Variants in RAB11FIP2 observed in about 807,000 individuals in gnomAD.
The protein encoded by RAB11FIP2 is RAB11 family interacting protein 2, also known as rab11 family-interacting protein 2.
Under a neutral mutation model 40.9 loss-of-function variants are expected in RAB11FIP2, and 16 were observed. That is an observed-to-expected ratio of 0.39 (90% CI 0.26 to 0.59). The LOEUF is 0.59. Ranked by LOEUF, RAB11FIP2 falls within the 20% of genes least tolerant of loss-of-function variation. The pLI, the probability that RAB11FIP2 is intolerant of heterozygous loss-of-function variation, is 0.53. For synonymous variants in RAB11FIP2, 228 were observed against 213.7 expected (o/e 1.07, Z -0.58); for missense variants, 532 against 606.2 (o/e 0.88, Z 1.28).
chr10:118,007,280 C>T lies in RAB11FIP2; in HGVS notation c.*1718G>A, dbSNP rs1846101164. The T allele has an allele frequency of 6.6e-6, 1 of 150,856 alleles. No individual in the cohort carries two copies. Among genetic ancestry groups the T allele is most frequent in the Non-Finnish European group, 1.5e-5 (1 of 67,718 alleles). 9.3% of individuals were successfully genotyped at this position (150,856 alleles called of 1,614,324 possible). On this transcript the variant is annotated 3_prime_UTR_variant, in exon 5 of 5. Coordinates refer to ENST00000355624, the MANE Select transcript of RAB11FIP2 (RefSeq NM_014904.3). ...AAAAAATTGATAAAAGCTATTTTTC[C>T]TTCTCCATTTCTTAAAGCATTTAAT...
intron 3 of RAB11FIP2, among the ~76,000 whole-genome samples, chr10:118,023,530 T>C (rs547676822): frequency 2.6e-5 from 4 of 152,232 alleles, no homozygotes; most frequent in African/African-American, 9.6e-5. Flanking sequence ...ACCTAATACA[T>C]AAATGTCTAT....
Position 118,045,930 on chromosome 10 carries a change from C to T in RAB11FIP2, c.234G>A (p.Glu78=), listed in dbSNP as rs368405064. 6.8e-6 allele frequency: 11 copies of T among 1,614,092 alleles called. No individual in the cohort carries two copies. The highest frequency in any genetic ancestry group is 2.2e-5 in the East Asian group (1 of 44,894). Residue 78 remains glutamate (E), a synonymous_variant, in exon 1 of 5, where the codon GAG becomes GAA. Transcript: ENST00000355624. ...TAACTATAAGGAAAAGAATGTATTTCTCTGGACTTCCCTGAATTAGCAATC... is the reference window on the plus strand; with the variant it reads ...TAACTATAAGGAAAAGAATGTATTTTTCTGGACTTCCCTGAATTAGCAATC... ...LPGLLIQGSP[E]KYILFLIVMH... is the part of the protein sequence containing the mutation.
In RAB11FIP2 at chr10:118,008,540, TATATAAA is replaced by T. The variant is rs1846121201; in HGVS notation, c.*451_*457del. The stretch of plus-strand genomic sequence containing the variant: ...ATATATATATTCATGTACATATGTG[TATATAAA>T]ATATAAACTGTTTTTTTAGTAGTGT... On this transcript the variant is annotated 3_prime_UTR_variant, in exon 5 of 5. Coordinates refer to ENST00000355624, the MANE Select transcript of RAB11FIP2 (RefSeq NM_014904.3). 5.8e-6 allele frequency: 1 copy of T among 172,922 alleles called. No individual in the cohort carries two copies. The highest frequency in any genetic ancestry group is 1.3e-5 in the Non-Finnish European group (1 of 78,684). 10.7% of individuals were successfully genotyped at this position (172,922 alleles called of 1,614,324 possible). A position where few individuals can be genotyped will look rare whatever the true frequency, so the allele number is the denominator to read the frequency against.
intron 3 of RAB11FIP2, among the ~76,000 whole-genome samples, chr10:118,028,013 AAC>A (rs1030818876): frequency 2.6e-5 from 4 of 152,160 alleles, no homozygotes; most frequent in African/African-American, 9.7e-5. Context: ...ACTTCTGTTT[AAC>A]ACAGTTTATT....
chr10:118,035,407 T>C (rs189201940), intron 3 of RAB11FIP2, among the ~76,000 whole-genome samples: 24 of 152,284 alleles, frequency 1.6e-4, no homozygotes, highest in African/African-American at 5.8e-4. Context: ...TGTTTAGTTG[T>C]ACATAAAAAT....
chr10:118,013,813 A>G (rs974268345), intron 4 of RAB11FIP2, among the ~76,000 whole-genome samples: 1 of 152,142 alleles, frequency 6.6e-6, no homozygotes, highest in Non-Finnish European at 1.5e-5. Flanking sequence ...ACAGCAATAA[A>G]TTACAAGATT....
intron 3 of RAB11FIP2, among the ~76,000 whole-genome samples, chr10:118,020,972 T>C (rs1333596420): frequency 1.3e-5 from 2 of 152,204 alleles, no homozygotes; most frequent in East Asian, 3.9e-4. Context: ...TTCTGGCGTA[T>C]GCTCCATAAC....
At position 118,009,210 on chromosome 10, in the gene RAB11FIP2, C is replaced by T; in HGVS notation, c.1327G>A (p.Asp443Asn). 1 of 1,612,920 alleles carries T rather than the reference C, an allele frequency of 6.2e-7. No individual in the cohort carries two copies. The highest frequency in any genetic ancestry group is 8.5e-7 in the Non-Finnish European group (1 of 1,179,086). Residue 443 changes from aspartate to asparagine, a missense_variant, in exon 5 of 5, where the codon GAT becomes AAT. Physicochemically the swap from Asp to Asn is conservative, Grantham distance 23. Transcript: ENST00000355624. ...AGACTACGATACCCTGCAGTGGCAT[C>T]AAAGGGGTTGCTGTCCTAGAACAGG... ...LRKIPDSNPF[D>N]ATAGYRSLTY... is the part of the protein sequence containing the mutation.
chr10:118,017,243 A>G (rs117995870), intron 3 of RAB11FIP2, among the ~76,000 whole-genome samples: 1,850 of 152,292 alleles, frequency 0.012, 22 homozygotes, highest in Non-Finnish European at 0.017. Context: ...CTTAGTGAGC[A>G]CTGGCTGCAC....
chr10:118,015,957 T>G (rs1223085840), intron 3 of RAB11FIP2, among the ~76,000 whole-genome samples: 1 of 152,234 alleles, frequency 6.6e-6, no homozygotes, highest in African/African-American at 2.4e-5. Flanking sequence ...AAAATATGTA[T>G]GTTTTCATTA....
intron 3 of RAB11FIP2, among the ~76,000 whole-genome samples, chr10:118,018,890 T>C (rs1002342235): frequency 4.6e-5 from 7 of 152,100 alleles, no homozygotes; most frequent in Non-Finnish European, 1.0e-4. Flanking sequence ...GTGGCAGAGA[T>C]CAAAGTGGGT....
intron 3 of RAB11FIP2, among the ~76,000 whole-genome samples, chr10:118,035,990 G>A (rs1846476544): frequency 6.6e-6 from 1 of 152,028 alleles, no homozygotes; most frequent in African/African-American, 2.4e-5. Flanking sequence ...CCAAGGACAG[G>A]ATCAAAATGT....
chr10:118,046,823 C>CGGGCTGCA lies in RAB11FIP2; in HGVS notation c.-668_-661dup, dbSNP rs1182466641. Reference sequence around the variant, plus strand: ...CGCCGGCGGGACGTGGGGCGGGCAGCGGGCTGCAGGGCTGCGGGCGCTTGG... The same window carrying CGGGCTGCA: ...CGCCGGCGGGACGTGGGGCGGGCAGCGGGCTGCAGGGCTGCAGGGCTGCGGGCGCTTGG... On this transcript the variant is annotated 5_prime_UTR_variant, in exon 1 of 5. Transcript: ENST00000355624. 1.3e-5 allele frequency: 2 copies of CGGGCTGCA among 152,328 alleles called. No individual in the cohort carries two copies. The highest frequency in any genetic ancestry group is 2.4e-5 in the African/African-American group (1 of 41,382). The allele number at this position is 152,328 out of a possible 1,614,324, so 9.4% of individuals were successfully genotyped here.
chr10:118,044,392 A>G (rs1042837917), intron 1 of RAB11FIP2, among the ~76,000 whole-genome samples: 5 of 152,202 alleles, frequency 3.3e-5, no homozygotes, highest in Non-Finnish European at 5.9e-5. Context: ...AAAATTGGCA[A>G]TTTGAAACAG....
intron 3 of RAB11FIP2, among the ~76,000 whole-genome samples, chr10:118,016,292 G>A (rs967866762): frequency 1.3e-5 from 2 of 152,190 alleles, no homozygotes; most frequent in African/African-American, 4.8e-5. Context: ...CATGTAGAGA[G>A]AGTGAAACAT....
At chr10:118,010,755 A>G (rs1846145273) in intron 4 of RAB11FIP2, among the ~76,000 whole-genome samples, 1 of 152,110 alleles carries the variant, frequency 6.6e-6, no homozygotes, top group African/African-American at 2.4e-5. Context: ...TAGGCCTTCA[A>G]GAGTTTGCAG....
chr10:118,022,391 G>A (rs1344033652), intron 3 of RAB11FIP2, among the ~76,000 whole-genome samples: 2 of 152,000 alleles, frequency 1.3e-5, no homozygotes, highest in African/African-American at 4.8e-5. Flanking sequence ...CTCATTATTC[G>A]TCTGTCAAAA....
intron 3 of RAB11FIP2, among the ~76,000 whole-genome samples, chr10:118,032,368 C>T (rs993115325): frequency 1.3e-5 from 2 of 149,124 alleles, no homozygotes; most frequent in Non-Finnish European, 3.0e-5. Flanking sequence ...CTTCAATGCT[C>T]ACTATAATTT....
intron 3 of RAB11FIP2, among the ~76,000 whole-genome samples, chr10:118,034,916 A>T (rs904760089): frequency 3.9e-5 from 6 of 152,276 alleles, no homozygotes; most frequent in African/African-American, 1.4e-4. Flanking sequence ...AAGCTCACTA[A>T]ACCCAATTCA....
Sources: gnomAD v4.1 joint callset for allele counts (sites outside exome capture counted in the v4.1 genomes callset) on GRCh38, gnomAD v4.1.1 for gene constraint, MANE v1.5 for transcripts, NCBI Gene and HGNC (gene_info 2026-07-23, HGNC 2026-07-21) for gene names.